The following EXOSC7 variants were observed in gnomAD, a reference collection of about 807,000 sequenced individuals.
EXOSC7 encodes exosome complex component RRP42.
Under a neutral mutation model 34.3 loss-of-function variants are expected in EXOSC7, and 25 were observed. The ratio of observed to expected loss-of-function variants is 0.73; its 90% CI spans 0.53 to 1.02. The LOEUF (loss-of-function observed/expected upper bound fraction) is 1.02. Ranked by LOEUF, EXOSC7 falls within the 50% of genes least tolerant of loss-of-function variation. EXOSC7 has a pLI of 0.00. For synonymous variants in EXOSC7, 130 were observed against 143.0 expected, an observed-to-expected ratio of 0.91 and a Z score of 0.65; for missense variants, 370 against 368.5, an observed-to-expected ratio of 1.00 and a Z score of -0.03.
intron 1 of EXOSC7, among the ~76,000 whole-genome samples, chr3:44,978,555 G>A (rs1022255894): frequency 6.6e-6 from 1 of 152,150 alleles, no homozygotes; most frequent in African/African-American, 2.4e-5. Flanking sequence ...ATATAAAATT[G>A]TACTGAATGC....
chr3:45,006,068 C>CTTTTTTT lies in EXOSC7; in HGVS notation c.615+677_615+683dup, dbSNP rs34869939. On this transcript the variant is annotated intron_variant, in intron 6 of 7. Coordinates refer to ENST00000265564, the MANE Select transcript of EXOSC7 (RefSeq NM_015004.4). ...AGGATGGCAGGATGTTGGGTCTTGG[C>CTTTTTTT]TTTTTTTTTTTTTTTTTTTTTTTTT... Among the ~76,000 whole-genome samples the CTTTTTTT allele has an allele frequency of 2.1e-4, 10 of 47,296 alleles. 1 individual carries two copies. Among genetic ancestry groups the CTTTTTTT allele is most frequent in the South Asian group, 1.2e-3 (1 of 822 alleles). The allele number at this position is 47,296 out of a possible 152,430, so 31.0% of individuals were successfully genotyped here.
intron 4 of EXOSC7, among the ~76,000 whole-genome samples, chr3:45,000,523 T>G (rs1328121859): frequency 2.0e-5 from 3 of 152,208 alleles, no homozygotes; most frequent in Admixed American, 2.0e-4. Flanking sequence ...TATGCCACCT[T>G]CCAGTTAAAT....
intron 4 of EXOSC7, among the ~76,000 whole-genome samples, chr3:44,998,884 T>C (rs1306232795): frequency 2.6e-5 from 4 of 152,176 alleles, no homozygotes; most frequent in African/African-American, 7.2e-5. Context: ...CTGAGGATGG[T>C]AGAGGCAGGC....
rs117579458 is a variant in EXOSC7, at chr3:45,010,330, C to T, written c.772-905C>T. Reference sequence around the variant, plus strand: ...TGGCACAGTCACAGCTCACTGCAGCCGTGAACTCCTGGGCTCAAACAATCC... The same window carrying T: ...TGGCACAGTCACAGCTCACTGCAGCTGTGAACTCCTGGGCTCAAACAATCC... On this transcript the variant is annotated intron_variant, in intron 7 of 7. Coordinates refer to ENST00000265564, the MANE Select transcript of EXOSC7 (RefSeq NM_015004.4). Among the ~76,000 whole-genome samples the T allele has an allele frequency of 5.3e-4, 80 of 152,286 alleles. 5 individuals carry two copies. In the East Asian group the frequency reaches 0.014, roughly 28 times the overall value.
In EXOSC7 at chr3:44,998,031, G is replaced by GTTT. The variant is rs200353427; in HGVS notation, c.420+784_420+786dup. On this transcript the variant is annotated intron_variant, in intron 4 of 7. Coordinates refer to ENST00000265564, the MANE Select transcript of EXOSC7 (RefSeq NM_015004.4). ...GTGTAGCTCTAATTAATTTTTTTTT[G>GTTT]TTTTTTTGTTTTTTTTTTTTTTGAG... Among the ~76,000 whole-genome samples, 302 of 142,788 alleles carry GTTT rather than the reference G, an allele frequency of 2.1e-3. 2 individuals carry two copies. Among genetic ancestry groups the GTTT allele is most frequent in the Middle Eastern group, 7.6e-3 (2 of 262 alleles). The allele number at this position is 142,788 out of a possible 152,430, so 93.7% of individuals were successfully genotyped here.
intron 1 of EXOSC7, among the ~76,000 whole-genome samples, chr3:44,983,592 A>C (rs529580243): frequency 9.2e-5 from 14 of 152,290 alleles, no homozygotes; most frequent in South Asian, 4.1e-4. Context: ...AGTCACCAAG[A>C]GCTTTCCTGG....
intron 7 of EXOSC7, 89 bp downstream of exon 7, chr3:45,007,664 C>G: frequency 7.4e-7 from 1 of 1,351,412 alleles, no homozygotes; most frequent in Non-Finnish European, 9.9e-7. Flanking sequence ...GGGATTCTCC[C>G]CATTCACAGC....
chr3:45,007,886 C>T (rs1707099148), intron 7 of EXOSC7, among the ~76,000 whole-genome samples: 1 of 152,194 alleles, frequency 6.6e-6, no homozygotes, highest in Non-Finnish European at 1.5e-5. Flanking sequence ...CCACTCGTAA[C>T]TCCAAAAGTG....
At chr3:45,004,763 T>G (rs1474465370) in intron 5 of EXOSC7, 1 of 152,092 alleles carries the variant, frequency 6.6e-6, no homozygotes, top group Non-Finnish European at 1.5e-5. Flanking sequence ...TGTCTTTTTT[T>G]TGTTTAATAG....
chr3:45,000,163 GA>G (rs1443892073), intron 4 of EXOSC7, among the ~76,000 whole-genome samples: 1 of 152,206 alleles, frequency 6.6e-6, no homozygotes, highest in Non-Finnish European at 1.5e-5. Context: ...TTTACTCCAA[GA>G]GGGAAACCTG....
chr3:45,001,429 C>G (rs925335696), intron 4 of EXOSC7, 109 bp from the exon 5 acceptor site: 4 of 809,066 alleles, frequency 4.9e-6, no homozygotes, highest in Non-Finnish European at 8.5e-6. Flanking sequence ...AGTGACAGAG[C>G]GAGACTCTGT....
intron 1 of EXOSC7, 56 bp from the exon 2 acceptor site, chr3:44,989,084 T>G: frequency 8.2e-7 from 1 of 1,223,402 alleles, no homozygotes; most frequent in Non-Finnish European, 1.2e-6. Flanking sequence ...GGTGAGTCCG[T>G]TTAGGAGTTA....
chr3:44,985,411 G>C (rs1225354664), intron 1 of EXOSC7, among the ~76,000 whole-genome samples: 1 of 152,100 alleles, frequency 6.6e-6, no homozygotes, highest in Admixed American at 6.5e-5. Context: ...CTTAAAGGCG[G>C]CGTGTCCGGA....
intron 1 of EXOSC7, among the ~76,000 whole-genome samples, chr3:44,985,707 C>T (rs781647433): frequency 2.6e-5 from 4 of 152,134 alleles, no homozygotes; most frequent in Non-Finnish European, 5.9e-5. Context: ...AACAAAGCTT[C>T]CACAGTGTGG....
intron 1 of EXOSC7, among the ~76,000 whole-genome samples, chr3:44,984,855 A>G (rs1706365421): frequency 2.6e-5 from 4 of 152,260 alleles, no homozygotes; most frequent in African/African-American, 9.6e-5. Flanking sequence ...AGCCATTTTA[A>G]TTTATAGATC....
intron 6 of EXOSC7, 26 bp downstream of exon 6, chr3:45,005,440 G>A (rs754993435): frequency 1.2e-6 from 2 of 1,609,862 alleles, no homozygotes; most frequent in Non-Finnish European, 1.7e-6. Context: ...TATGGTTTTT[G>A]TCTTCCCTGT....
At chr3:44,976,384 G>A in intron 1 of EXOSC7, 50 bp downstream of exon 1, 1 of 1,500,492 alleles carries the variant, frequency 6.7e-7, no homozygotes. Context: ...GCCTGGCCCT[G>A]CGGGTCGCGG....
At chr3:44,986,513 T>C (rs1706420557) in intron 1 of EXOSC7, among the ~76,000 whole-genome samples, 1 of 151,990 alleles carries the variant, frequency 6.6e-6, no homozygotes, top group African/African-American at 2.4e-5. Flanking sequence ...GGGAGCCGGC[T>C]CCCACCTTGG....
intron 3 of EXOSC7, among the ~76,000 whole-genome samples, chr3:44,993,923 AG>A (rs1247012707): frequency 6.6e-6 from 1 of 152,204 alleles, no homozygotes; most frequent in Non-Finnish European, 1.5e-5. Flanking sequence ...CCAAGACCAA[AG>A]CATACATTCA....
Sources: gnomAD v4.1 joint callset for allele counts (sites outside exome capture counted in the v4.1 genomes callset) on GRCh38, gnomAD v4.1.1 for gene constraint, MANE v1.5 for transcripts, NCBI Gene and HGNC (gene_info 2026-07-23, HGNC 2026-07-21) for gene names.